Variants in DDX46 observed in about 807,000 individuals in gnomAD.
DDX46 encodes the protein DEAD-box helicase 46.
Under a neutral mutation model 134.9 loss-of-function variants are expected in DDX46, and 30 were observed. That is an observed-to-expected ratio of 0.22 (90% CI 0.17 to 0.30). The LOEUF (loss-of-function observed/expected upper bound fraction) is 0.30, where lower values mean the gene tolerates loss of function less well. DDX46 is among the 10% of genes least tolerant of loss of function. The probability of loss-of-function intolerance (pLI) is 1.00; values close to 1 mark genes in which losing one functional copy is unlikely to be tolerated. For missense variants in DDX46, 622 were observed against 1,248.7 expected (o/e 0.50, Z 7.56); for synonymous variants, 415 against 404.1 (o/e 1.03, Z -0.32).
At chr5:134,776,462 A>G (rs1460070774) in intron 5 of DDX46, among the ~76,000 whole-genome samples, 6 of 152,148 alleles carry the variant, frequency 3.9e-5, no homozygotes, top group Admixed American at 3.9e-4. Context: ...AGATCATCTT[A>G]AAGGTCTTCA....
At chr5:134,782,180 G>A (rs1052546063) in intron 8 of DDX46, 94 bp downstream of exon 8, 1 of 1,261,818 alleles carries the variant, frequency 7.9e-7, no homozygotes, top group African/African-American at 1.5e-5. Context: ...GTCTCATGAA[G>A]GAGGGTGTTT....
At chr5:134,767,354 T>A (rs147395829) in intron 3 of DDX46, among the ~76,000 whole-genome samples, 1 of 152,268 alleles carries the variant, frequency 6.6e-6, no homozygotes, top group East Asian at 1.9e-4. Context: ...GTCATTTTCT[T>A]TTCAGGCAGG....
At chr5:134,800,575 C>T (rs1415071972) in intron 15 of DDX46, among the ~76,000 whole-genome samples, 1 of 152,112 alleles carries the variant, frequency 6.6e-6, no homozygotes, top group African/African-American at 2.4e-5. Flanking sequence ...CCATCACTTC[C>T]TAAAAAACTC....
chr5:134,785,776 G>A (rs995405753), intron 11 of DDX46, among the ~76,000 whole-genome samples, 190 bp downstream of exon 11: 1 of 151,922 alleles, frequency 6.6e-6, no homozygotes, highest in African/African-American at 2.4e-5. Context: ...GAGATGTAAT[G>A]TACAGCATGG....
intron 18 of DDX46, among the ~76,000 whole-genome samples, chr5:134,812,915 G>A (rs10477766): frequency 1.3e-5 from 2 of 152,036 alleles, no homozygotes; most frequent in Admixed American, 6.6e-5. Context: ...TGGGATTATA[G>A]GTGTGAGCCA....
At position 134,811,232 on chromosome 5, in the gene DDX46, T is replaced by C. The variant is rs548314995; in HGVS notation, c.2160T>C (p.Tyr720=). Residue 720 remains tyrosine (Y), a synonymous_variant, in exon 17 of 23, where the codon TAT becomes TAC. Transcript: ENST00000452510. The stretch of plus-strand genomic sequence containing the variant: ...TCATCATGCATTAGGGTTATGCTTA[T>C]ACTTTTATCACAGAGGATCAAGCTC... The part of the protein sequence containing the change: ...TGRAGNKGYA[Y]TFITEDQARY... The C allele has an allele frequency of 6.2e-7, 1 of 1,614,026 alleles. No individual in the cohort carries two copies. The highest frequency in any genetic ancestry group is 1.7e-5 in the Admixed American group (1 of 60,010).
At chr5:134,811,598 C>T in intron 17 of DDX46, 98 bp from the exon 18 acceptor site, 1 of 1,334,924 alleles carries the variant, frequency 7.5e-7, no homozygotes, top group Admixed American at 2.6e-5. Flanking sequence ...GTTTTTATTA[C>T]ATTGACATAC....
At chr5:134,789,517 C>T (rs1196789035) in intron 12 of DDX46, among the ~76,000 whole-genome samples, 2 of 151,840 alleles carry the variant, frequency 1.3e-5, no homozygotes, top group Admixed American at 6.6e-5. Flanking sequence ...AAAGTGACAT[C>T]GAAATTGAGA....
intron 18 of DDX46, among the ~76,000 whole-genome samples, chr5:134,812,448 T>A (rs1296092816): frequency 6.6e-6 from 1 of 152,126 alleles, no homozygotes. Context: ...CAGAACACTT[T>A]TGGACATATC....
At chr5:134,768,123 T>C (rs1441134276) in intron 3 of DDX46, among the ~76,000 whole-genome samples, 4 of 151,952 alleles carry the variant, frequency 2.6e-5, no homozygotes, top group African/African-American at 9.6e-5. Flanking sequence ...TTTTTTTTTT[T>C]TTAACAGCCA....
rs10068245 is a variant in DDX46, at chr5:134,769,053, G to A, written c.351-1850G>A. On this transcript the variant is annotated intron_variant, in intron 3 of 22. Coordinates refer to ENST00000452510, the MANE Select transcript of DDX46 (RefSeq NM_001300860.2). ...AGCCTGGCCGACAGAGAGAGACTCCGTCTCAAAAAAATCCCCTAAAATCAT... is the reference window on the plus strand; with the variant it reads ...AGCCTGGCCGACAGAGAGAGACTCCATCTCAAAAAAATCCCCTAAAATCAT... Among the ~76,000 whole-genome samples the A allele has an allele frequency of 1.1e-3, 169 of 152,128 alleles. 1 individual carries two copies. Among genetic ancestry groups the A allele is most frequent in the African/African-American group, 3.6e-3 (150 of 41,522 alleles).
intron 15 of DDX46, 82 bp from the exon 16 acceptor site, chr5:134,807,666 C>T: frequency 7.8e-7 from 1 of 1,276,270 alleles, no homozygotes; most frequent in Non-Finnish European, 1.1e-6. Flanking sequence ...TCAATTTGTT[C>T]TTCACTGAGT....
intron 21 of DDX46, chr5:134,826,024 C>T (rs970377124): frequency 3.9e-5 from 6 of 152,108 alleles, no homozygotes; most frequent in Admixed American, 6.5e-5. Context: ...ATATCTTGTC[C>T]ATTCTACCTC....
intron 18 of DDX46, among the ~76,000 whole-genome samples, chr5:134,812,435 T>A (rs936607946): frequency 1.3e-5 from 2 of 152,096 alleles, no homozygotes; most frequent in African/African-American, 4.8e-5. Flanking sequence ...ACATACCTGA[T>A]CTCAGAACAC....
chr5:134,802,118 C>CT (rs577898544), intron 15 of DDX46, among the ~76,000 whole-genome samples: 5 of 144,476 alleles, frequency 3.5e-5, no homozygotes, highest in Non-Finnish European at 1.5e-5. Flanking sequence ...CTTTTTCAAC[C>CT]TTTTTTTTCC....
intron 15 of DDX46, among the ~76,000 whole-genome samples, chr5:134,799,416 G>A (rs1580804108): frequency 6.6e-6 from 1 of 150,490 alleles, no homozygotes; most frequent in South Asian, 2.1e-4. Flanking sequence ...TAAGTAGCTG[G>A]GACTATAGCA....
Position 134,819,021 on chromosome 5 carries a change from C to G in DDX46, c.2977+17C>G. 1.2e-6 allele frequency: 2 copies of G among 1,609,624 alleles called. No individual in the cohort carries two copies. Among genetic ancestry groups the G allele is most frequent in the Non-Finnish European group, 1.7e-6 (2 of 1,178,154 alleles). The stretch of plus-strand genomic sequence containing the variant: ...CAATTGAAAGTATGTACTGTTAGTT[C>G]TGTTTCAATCTTGAATTTAGATCAA... On this transcript the variant is annotated intron_variant, in intron 21 of 22. Coordinates refer to ENST00000452510, the MANE Select transcript of DDX46 (RefSeq NM_001300860.2).
At chr5:134,769,537 GTT>G (rs958694405) in intron 3 of DDX46, among the ~76,000 whole-genome samples, 4 of 134,812 alleles carry the variant, frequency 3.0e-5, no homozygotes, top group African/African-American at 8.3e-5. Context: ...TGTTTTTTTT[GTT>G]TGTTTTTTTT....
chr5:134,761,808 A>C (rs1206113595), intron 1 of DDX46, among the ~76,000 whole-genome samples: 1 of 152,062 alleles, frequency 6.6e-6, no homozygotes, highest in East Asian at 1.9e-4. Context: ...ATATTTCTCA[A>C]AATCTTTCCA....
Sources: allele counts gnomAD v4.1 joint callset (sites outside exome capture counted in the v4.1 genomes callset), GRCh38; gene constraint gnomAD v4.1.1; transcripts MANE v1.5; gene names NCBI Gene and HGNC (gene_info 2026-07-23, HGNC 2026-07-21).